MACROD2: variants seen among roughly 807,000 people sequenced by gnomAD.
MACROD2 encodes the protein ADP-ribose glycohydrolase MACROD2.
Under a neutral mutation model 70.4 loss-of-function variants are expected in MACROD2, and 36 were observed. The ratio of observed to expected loss-of-function variants is 0.51; its 90% CI spans 0.39 to 0.68. The LOEUF is 0.68. Ranked by LOEUF, MACROD2 falls within the 30% of genes least tolerant of loss-of-function variation. The pLI is 0.00. For missense variants in MACROD2, 496 were observed against 538.4 expected (o/e 0.92, Z 0.78); for synonymous variants, 172 against 178.8 (o/e 0.96, Z 0.30).
intron 5 of MACROD2, among the ~76,000 whole-genome samples, chr20:15,076,981 G>T (rs1006708291): frequency 1.3e-5 from 2 of 152,130 alleles, no homozygotes; most frequent in Admixed American, 1.3e-4. Context: ...TGCTTTATAG[G>T]TTTTGGCATT....
Position 14,159,044 on chromosome 20 carries a change from C to T in MACROD2, c.271+73316C>T, listed in dbSNP as rs1364374667. Among the ~76,000 whole-genome samples the T allele has an allele frequency of 3.9e-5, 6 of 152,108 alleles. No homozygotes were observed. The East Asian group carries it at 1.2e-3, about 29-fold the overall frequency. On this transcript the variant is annotated intron_variant, in intron 3 of 17. Transcript: ENST00000684519. ...CTGAGGTCAGGAGTTTGAGACCAGC[C>T]TGACCAACATAGTGAAACTCCATCT...
At chr20:14,022,173 GTTGAAGC>G (rs1476100774) in intron 2 of MACROD2, among the ~76,000 whole-genome samples, 24 of 152,202 alleles carry the variant, frequency 1.6e-4, no homozygotes. Context: ...TCCATGTTCT[GTTGAAGC>G]AGCTGTAAGA....
At chr20:14,226,544 G>C (rs1039697824) in intron 3 of MACROD2, among the ~76,000 whole-genome samples, 3 of 152,168 alleles carry the variant, frequency 2.0e-5, no homozygotes. Flanking sequence ...TGCGCGCGGC[G>C]CTTGCGGGCC....
intron 5 of MACROD2, among the ~76,000 whole-genome samples, chr20:14,811,768 G>T (rs1428333403): frequency 6.6e-6 from 1 of 151,982 alleles, no homozygotes; most frequent in Non-Finnish European, 1.5e-5. Context: ...GTGGGCAAAG[G>T]ATATGAATGG....
chr20:15,607,083 A>G (rs2048904556), intron 8 of MACROD2, among the ~76,000 whole-genome samples: 1 of 152,140 alleles, frequency 6.6e-6, no homozygotes, highest in African/African-American at 2.4e-5. Context: ...TGGGAGGCCA[A>G]GGAGGGAGAA....
chr20:14,125,581 G>GT (rs1185278715), intron 3 of MACROD2, among the ~76,000 whole-genome samples: 3 of 152,160 alleles, frequency 2.0e-5, no homozygotes, highest in Non-Finnish European at 2.9e-5. Context: ...TATTTCCTGT[G>GT]TTTTTTCCAG....
Position 15,325,579 on chromosome 20 carries a change from A to C in MACROD2, c.540+95518A>C, listed in dbSNP as rs144844293. 1.5e-3 allele frequency among the ~76,000 whole-genome samples: 232 copies of C among 152,290 alleles called. 1 individual carries two copies. The highest frequency in any genetic ancestry group is 5.3e-3 in the African/African-American group (219 of 41,570). The stretch of plus-strand genomic sequence containing the variant: ...ATGGTGAAATATGCCACTGTTTAAC[A>C]GATGACTACTGTGCTGTGGACAGCA... On this transcript the variant is annotated intron_variant, in intron 6 of 17. Transcript: ENST00000684519.
chr20:14,663,521 C>T (rs1394616846), intron 4 of MACROD2, among the ~76,000 whole-genome samples: 4 of 51,908 alleles, frequency 7.7e-5, no homozygotes, highest in African/African-American at 1.1e-4. Context: ...GGGATGTATA[C>T]ACACACACAC....
intron 8 of MACROD2, among the ~76,000 whole-genome samples, chr20:15,769,987 C>T (rs966123990): frequency 1.3e-5 from 2 of 151,666 alleles, no homozygotes; most frequent in African/African-American, 2.4e-5. Flanking sequence ...TGTGTGAGTG[C>T]GCCCCCCCAC....
At chr20:15,858,813 C>T (rs1391533433) in intron 8 of MACROD2, among the ~76,000 whole-genome samples, 2 of 152,266 alleles carry the variant, frequency 1.3e-5, no homozygotes, top group East Asian at 3.9e-4. Flanking sequence ...AACTGTATCA[C>T]CTCATGGATT....
At chr20:14,114,848 C>T (rs1348291338) in intron 3 of MACROD2, among the ~76,000 whole-genome samples, 2 of 152,164 alleles carry the variant, frequency 1.3e-5, no homozygotes, top group Non-Finnish European at 2.9e-5. Context: ...TTGTGCCTAT[C>T]ATTCTTATGA....
At chr20:15,779,104 A>T (rs1473441920) in intron 8 of MACROD2, among the ~76,000 whole-genome samples, 1 of 152,106 alleles carries the variant, frequency 6.6e-6, no homozygotes, top group East Asian at 1.9e-4. Flanking sequence ...TCCTCTAACT[A>T]TCATATCCCA....
chr20:15,708,471 C>T (rs2050570968), intron 8 of MACROD2, among the ~76,000 whole-genome samples: 1 of 151,918 alleles, frequency 6.6e-6, no homozygotes, highest in Non-Finnish European at 1.5e-5. Flanking sequence ...GGGGACAGAG[C>T]ACAGACATGC....
chr20:14,981,431 TG>T (rs1362717949), intron 5 of MACROD2, among the ~76,000 whole-genome samples: 3 of 63,904 alleles, frequency 4.7e-5, no homozygotes, highest in South Asian at 1.1e-3. Context: ...TATATGTATA[TG>T]TATATATATA....
rs1226845914 is a variant in MACROD2, at chr20:15,866,515, T to A, written c.727+3689T>A. Among the ~76,000 whole-genome samples, 4 of 152,314 alleles carry A rather than the reference T, an allele frequency of 2.6e-5. No homozygotes were observed. In the East Asian group the frequency reaches 7.7e-4, roughly 29 times the overall value. On this transcript the variant is annotated intron_variant, in intron 9 of 17. Transcript: ENST00000684519. ...TATGAAACAAATTTATGATACCCTATGTTTTAGGCATGAAAAACGAGGATT... is the reference window on the plus strand; with the variant it reads ...TATGAAACAAATTTATGATACCCTAAGTTTTAGGCATGAAAAACGAGGATT...
At chr20:14,751,888 T>C (rs994217427) in intron 5 of MACROD2, among the ~76,000 whole-genome samples, 4 of 152,056 alleles carry the variant, frequency 2.6e-5, no homozygotes, top group African/African-American at 7.3e-5. Context: ...AAGAACATCA[T>C]CTACCATAAT....
At chr20:15,198,818 TAGA>T (rs1228363352) in intron 5 of MACROD2, among the ~76,000 whole-genome samples, 2 of 152,144 alleles carry the variant, frequency 1.3e-5, no homozygotes, top group East Asian at 3.9e-4. Flanking sequence ...TGCTGGGAAC[TAGA>T]AGCATATCAA....
At chr20:15,502,497 T>G (rs997567084) in intron 8 of MACROD2, among the ~76,000 whole-genome samples, 4 of 152,204 alleles carry the variant, frequency 2.6e-5, no homozygotes, top group Admixed American at 2.0e-4. Flanking sequence ...GTTGAAGTGT[T>G]TTGGGTAGGA....
chr20:14,751,021 T>C (rs530142303), intron 5 of MACROD2, among the ~76,000 whole-genome samples: 1 of 152,250 alleles, frequency 6.6e-6, no homozygotes, highest in East Asian at 1.9e-4. Context: ...AATAAGATCT[T>C]ATATTATTAT....
Sources: gnomAD v4.1 joint callset for allele counts (sites outside exome capture counted in the v4.1 genomes callset) on GRCh38, gnomAD v4.1.1 for gene constraint, MANE v1.5 for transcripts, NCBI Gene and HGNC (gene_info 2026-07-23, HGNC 2026-07-21) for gene names.